The following VOPP1 variants were observed in gnomAD, a reference collection of about 807,000 sequenced individuals.
VOPP1 encodes VOPP1 WW domain binding protein.
VOPP1 carries 8 observed loss-of-function variants against 23.5 expected under a neutral mutation model. That is an observed-to-expected ratio of 0.34 (90% confidence interval 0.20 to 0.61). The LOEUF (loss-of-function observed/expected upper bound fraction) is 0.61. VOPP1 is among the 20% of genes least tolerant of loss of function. VOPP1 has a pLI of 0.78. For synonymous variants in VOPP1, 83 were observed against 97.3 expected (o/e 0.85, Z 0.86); for missense variants, 174 against 238.1 (o/e 0.73, Z 1.77).
chr7:55,572,154 C>A (rs954781519), intron 1 of VOPP1, 117 bp downstream of exon 1: 12 of 766,350 alleles, frequency 1.6e-5, no homozygotes, highest in Non-Finnish European at 1.9e-5. Flanking sequence ...GGCTCCCCGT[C>A]GCTCCACCGT....
chr7:55,538,694 C>T, intron 1 of VOPP1: 2 of 1,534,142 alleles, frequency 1.3e-6, no homozygotes, highest in Non-Finnish European at 1.7e-6. Context: ...AACTACTTAG[C>T]TGTTCATCAA....
chr7:55,567,486 C>T (rs977135716), intron 1 of VOPP1, among the ~76,000 whole-genome samples: 1 of 152,172 alleles, frequency 6.6e-6, no homozygotes, highest in African/African-American at 2.4e-5. Flanking sequence ...AGGAAATGTC[C>T]TTGCCCTGCA....
rs1321400789 is a variant in VOPP1 at position 55,530,610 on chromosome 7, T to A, written c.55-9480A>T. 2.0e-5 allele frequency among the ~76,000 whole-genome samples: 3 copies of A among 152,320 alleles called. No individual in the cohort carries two copies. The East Asian group carries it at 5.8e-4, about 29-fold the overall frequency. On this transcript the variant is annotated intron_variant, in intron 1 of 4. Coordinates refer to ENST00000285279, the MANE Select transcript of VOPP1 (RefSeq NM_030796.5). ...TCTGTGTGCTTTCTGTGGCAATGTC[T>A]ACAAGCTGAAGTTTTCTGTGTCATC...
chr7:55,464,124 G>A (rs139479053), intron 4 of VOPP1, among the ~76,000 whole-genome samples: 1 of 151,964 alleles, frequency 6.6e-6, no homozygotes, highest in East Asian at 1.9e-4. Flanking sequence ...TGGTATGTCT[G>A]GGTACCAGCA....
rs1325497107 is a variant in VOPP1 at position 55,517,596 on chromosome 7, A to G, written c.113+3476T>C. On this transcript the variant is annotated intron_variant, in intron 2 of 4. Transcript: ENST00000285279. Reference sequence around the variant, plus strand: ...CTGGATGTGAGTCTCCTGTACCTGCACTGCCTTCTCCACCAAGGCAGCAGA... The same window carrying G: ...CTGGATGTGAGTCTCCTGTACCTGCGCTGCCTTCTCCACCAAGGCAGCAGA... Among the ~76,000 whole-genome samples, 3 of 152,124 alleles carry G rather than the reference A, an allele frequency of 2.0e-5. No homozygotes were observed. In the East Asian group the frequency reaches 5.8e-4, roughly 29 times the overall value.
chr7:55,496,187 C>T (rs4948028), intron 3 of VOPP1, among the ~76,000 whole-genome samples: 89,854 of 152,132 alleles, frequency 0.59, 28,417 homozygotes, highest in Admixed American at 0.69. Context: ...TTCTCACGCC[C>T]TCATCATCAT....
At chr7:55,481,588 C>T (rs1011031678) in intron 4 of VOPP1, among the ~76,000 whole-genome samples, 1 of 152,244 alleles carries the variant, frequency 6.6e-6, no homozygotes, top group Non-Finnish European at 1.5e-5. Flanking sequence ...GGGTCCTCCA[C>T]TCCCACCTTT....
intron 2 of VOPP1, among the ~76,000 whole-genome samples, chr7:55,502,158 T>C (rs748246245): frequency 3.3e-5 from 5 of 152,260 alleles, no homozygotes; most frequent in Non-Finnish European, 5.9e-5. Context: ...CTATTTCCCA[T>C]GCTGGAGAGA....
At chr7:55,488,282 CAGACCTCAGGCCTCTTAACTCCCTGACCA>C (rs1793294455) in intron 4 of VOPP1, among the ~76,000 whole-genome samples, 1 of 152,204 alleles carries the variant, frequency 6.6e-6, no homozygotes, top group Admixed American at 6.5e-5. Flanking sequence ...CTGGGTCTCA[CAGACCTCAGGCCTCTTAACTCCCTGACCA>C]GGGCCTCTTC....
chr7:55,520,548 T>C (rs1795771507), intron 2 of VOPP1, among the ~76,000 whole-genome samples: 1 of 152,164 alleles, frequency 6.6e-6, no homozygotes, highest in Non-Finnish European at 1.5e-5. Context: ...GAGGGGGCAC[T>C]GGAAGGATTA....
chr7:55,482,734 G>A (rs1464777489), intron 4 of VOPP1, among the ~76,000 whole-genome samples: 2 of 152,056 alleles, frequency 1.3e-5, no homozygotes, highest in Non-Finnish European at 2.9e-5. Flanking sequence ...TTGAAACACA[G>A]CTGAGATGCA....
intron 1 of VOPP1, among the ~76,000 whole-genome samples, chr7:55,536,371 A>C (rs572700122): frequency 6.6e-6 from 1 of 152,294 alleles, no homozygotes; most frequent in East Asian, 1.9e-4. Context: ...TCTACTAAAA[A>C]TACAAAAATT....
intron 1 of VOPP1, among the ~76,000 whole-genome samples, chr7:55,535,970 T>C (rs953682449): frequency 6.6e-6 from 1 of 152,158 alleles, no homozygotes; most frequent in African/African-American, 2.4e-5. Flanking sequence ...TGACCCACAC[T>C]CTGTGCCAAG....
intron 1 of VOPP1, among the ~76,000 whole-genome samples, chr7:55,558,338 T>C (rs1797877767): frequency 6.6e-6 from 1 of 152,224 alleles, no homozygotes; most frequent in South Asian, 2.1e-4. Context: ...ACATTAATTA[T>C]GTTCAGCTTG....
At chr7:55,435,201 G>T (rs912811938), downstream of VOPP1, among the ~76,000 whole-genome samples, 2 of 152,188 alleles carry the variant, frequency 1.3e-5, no homozygotes, top group Non-Finnish European at 2.9e-5. Context: ...GTTGCATGCA[G>T]AATTCTGTGT....
intron 2 of VOPP1, among the ~76,000 whole-genome samples, chr7:55,507,447 C>G (rs1794804941): frequency 6.6e-6 from 1 of 151,964 alleles, no homozygotes; most frequent in Non-Finnish European, 1.5e-5. Context: ...TTGATATATA[C>G]TTGATATACA....
downstream of VOPP1, among the ~76,000 whole-genome samples, chr7:55,466,638 T>A (rs1382993860): frequency 6.6e-6 from 1 of 152,136 alleles, no homozygotes; most frequent in East Asian, 1.9e-4. Context: ...AGCCCCAGAC[T>A]ATGAACATCT....
chr7:55,436,959 T>C (rs1209309847), intron 4 of VOPP1, among the ~76,000 whole-genome samples: 1 of 152,196 alleles, frequency 6.6e-6, no homozygotes, highest in Non-Finnish European at 1.5e-5. Context: ...GATACGCTGC[T>C]GCTCACATGT....
At chr7:55,515,652 G>C (rs974732370) in intron 2 of VOPP1, among the ~76,000 whole-genome samples, 3 of 152,128 alleles carry the variant, frequency 2.0e-5, no homozygotes, top group Non-Finnish European at 2.9e-5. Flanking sequence ...AGGCTGAATA[G>C]CATCTGGAGC....
Sources: allele counts gnomAD v4.1 joint callset (sites outside exome capture counted in the v4.1 genomes callset), GRCh38; gene constraint gnomAD v4.1.1; transcripts MANE v1.5; gene names NCBI Gene and HGNC (gene_info 2026-07-23, HGNC 2026-07-21).